Variants in GRIA1 observed in about 807,000 individuals in gnomAD.
GRIA1 encodes the protein glutamate ionotropic receptor AMPA type subunit 1, also known as glutamate receptor 1.
Under a neutral mutation model 99.2 loss-of-function variants are expected in GRIA1, and 31 were observed. The observed-to-expected ratio is 0.31, with a 90% CI of 0.23 to 0.42. The LOEUF (loss-of-function observed/expected upper bound fraction) is 0.42. Ranked by LOEUF, GRIA1 falls within the 10% of genes least tolerant of loss-of-function variation. The probability of loss-of-function intolerance (pLI) is 1.00; values close to 1 mark genes in which losing one functional copy is unlikely to be tolerated. For missense variants in GRIA1, 782 were observed against 1,157.5 expected, an observed-to-expected ratio of 0.68 and a Z score of 4.71; for synonymous variants, 438 against 432.4, an observed-to-expected ratio of 1.01 and a Z score of -0.16.
chr5:153,667,769 G>A (rs1278533159), intron 5 of GRIA1, among the ~76,000 whole-genome samples: 1 of 152,176 alleles, frequency 6.6e-6, no homozygotes, highest in African/African-American at 2.4e-5. Context: ...TGATGGCCCA[G>A]AGCCTCTTCA....
chr5:153,543,548 T>G (rs1393893879), intron 2 of GRIA1, among the ~76,000 whole-genome samples: 1 of 152,138 alleles, frequency 6.6e-6, no homozygotes, highest in African/African-American at 2.4e-5. Context: ...CATATATATG[T>G]AAAGTGCTCA....
At chr5:153,733,344 T>G (rs1761170032) in intron 11 of GRIA1, among the ~76,000 whole-genome samples, 1 of 152,066 alleles carries the variant, frequency 6.6e-6, no homozygotes, top group African/African-American at 2.4e-5. Flanking sequence ...TTACGTAAGA[T>G]GTTTTATGTA....
At chr5:153,642,265 G>C (rs1753824388) in intron 2 of GRIA1, among the ~76,000 whole-genome samples, 1 of 152,160 alleles carries the variant, frequency 6.6e-6, no homozygotes, top group East Asian at 1.9e-4. Flanking sequence ...TCTGTCGTCA[G>C]ACTGGTAGAG....
At chr5:153,746,967 C>T (rs1189230615) in intron 11 of GRIA1, among the ~76,000 whole-genome samples, 3 of 152,148 alleles carry the variant, frequency 2.0e-5, no homozygotes, top group Non-Finnish European at 4.4e-5. Flanking sequence ...TCAGATGGAT[C>T]TGGGCTCACA....
At chr5:153,626,965 T>G (rs1767690333) in intron 2 of GRIA1, among the ~76,000 whole-genome samples, 1 of 152,180 alleles carries the variant, frequency 6.6e-6, no homozygotes, top group Non-Finnish European at 1.5e-5. Flanking sequence ...AAAGATGCTC[T>G]CTAAAGCACC....
At chr5:153,685,397 T>C (rs1447014147) in intron 7 of GRIA1, among the ~76,000 whole-genome samples, 1 of 152,216 alleles carries the variant, frequency 6.6e-6, no homozygotes, top group Non-Finnish European at 1.5e-5. Context: ...TAGAAGGCCA[T>C]GAAAGTTTGA....
In GRIA1 at chr5:153,751,485, A is replaced by C. The variant is rs539098640; in HGVS notation, c.1824-12949A>C. Among the ~76,000 whole-genome samples, 6 of 152,374 alleles carry C rather than the reference A, an allele frequency of 3.9e-5. No individual in the cohort carries two copies. In the South Asian group the frequency reaches 8.3e-4, roughly 21 times the overall value. On this transcript the variant is annotated intron_variant, in intron 11 of 15. Coordinates refer to ENST00000285900, the MANE Select transcript of GRIA1 (RefSeq NM_000827.4). Reference sequence around the variant, plus strand: ...CCGCCTGTTTTGGCATTCAAGTGTTACTGGAACACAGCCATGCACTTGCGC... The same window carrying C: ...CCGCCTGTTTTGGCATTCAAGTGTTCCTGGAACACAGCCATGCACTTGCGC...
At chr5:153,493,366 A>C (rs1372890658) in intron 1 of GRIA1, among the ~76,000 whole-genome samples, 4 of 152,206 alleles carry the variant, frequency 2.6e-5, no homozygotes, top group African/African-American at 4.8e-5. Flanking sequence ...GGGGCAATAG[A>C]ATAGTTAAAT....
intron 2 of GRIA1, among the ~76,000 whole-genome samples, chr5:153,583,720 G>A (rs1259603405): frequency 6.6e-6 from 1 of 152,068 alleles, no homozygotes; most frequent in Non-Finnish European, 1.5e-5. Flanking sequence ...ACATGACATG[G>A]GGTATGGGAA....
At chr5:153,656,475 A>G (rs1365819439) in intron 5 of GRIA1, among the ~76,000 whole-genome samples, 1 of 148,206 alleles carries the variant, frequency 6.7e-6, no homozygotes, top group African/African-American at 2.5e-5. Flanking sequence ...TTACAAAGAA[A>G]ACAACTCATC....
chr5:153,670,432 A>C (rs546437933), intron 5 of GRIA1, among the ~76,000 whole-genome samples: 1 of 133,452 alleles, frequency 7.5e-6, no homozygotes, highest in Admixed American at 7.4e-5. Context: ...AGTACTCTGT[A>C]GATTAATTTC....
rs114358464 is a variant in GRIA1, at chr5:153,739,565, G to A, written c.1824-24869G>A. ...TTTTAGGTTATAGACAGGATTCAGA[G>A]CTGTGAGATATAAAATAATACAGGC... On this transcript the variant is annotated intron_variant, in intron 11 of 15. Coordinates refer to ENST00000285900, the MANE Select transcript of GRIA1 (RefSeq NM_000827.4). Among the ~76,000 whole-genome samples the A allele has an allele frequency of 3.8e-3, 580 of 152,342 alleles. 5 individuals are homozygous for A. Among genetic ancestry groups the A allele is most frequent in the African/African-American group, 0.013 (558 of 41,582 alleles).
chr5:153,793,059 T>TAAA (rs1765402391), intron 13 of GRIA1, among the ~76,000 whole-genome samples: 1 of 152,144 alleles, frequency 6.6e-6, no homozygotes, highest in Admixed American at 6.5e-5. Context: ...AAGGTAACGG[T>TAAA]TATAGTAATC....
At chr5:153,683,156 C>G (rs185982339) in intron 7 of GRIA1, among the ~76,000 whole-genome samples, 1 of 152,164 alleles carries the variant, frequency 6.6e-6, no homozygotes, top group South Asian at 2.1e-4. Context: ...TGGATGGGGA[C>G]AGTGGTTTCA....
At chr5:153,735,390 C>T (rs1761313841) in intron 11 of GRIA1, among the ~76,000 whole-genome samples, 1 of 152,180 alleles carries the variant, frequency 6.6e-6, no homozygotes. Flanking sequence ...TCATGATCAA[C>T]TGAGCAAGCA....
intron 11 of GRIA1, among the ~76,000 whole-genome samples, chr5:153,736,159 G>GAGC (rs1196263248): frequency 6.6e-6 from 1 of 152,160 alleles, no homozygotes; most frequent in Non-Finnish European, 1.5e-5. Context: ...GACTGAGAAG[G>GAGC]AGCAGCCAGT....
intron 2 of GRIA1, among the ~76,000 whole-genome samples, chr5:153,528,216 C>T (rs1212822264): frequency 3.3e-5 from 5 of 151,968 alleles, no homozygotes; most frequent in Non-Finnish European, 7.4e-5. Flanking sequence ...AGAAACATTG[C>T]CCTTTTAAAA....
intron 2 of GRIA1, among the ~76,000 whole-genome samples, chr5:153,497,782 A>G (rs1165797034): frequency 6.6e-6 from 1 of 152,200 alleles, no homozygotes; most frequent in African/African-American, 2.4e-5. Context: ...GGCATGACAT[A>G]AAGTGCTACA....
intron 14 of GRIA1, among the ~76,000 whole-genome samples, chr5:153,797,837 G>A (rs542893725): frequency 7.9e-5 from 12 of 152,246 alleles, no homozygotes; most frequent in South Asian, 4.2e-4. Context: ...ATCCCATGTC[G>A]CTCTTGGGGA....
Sources: gnomAD v4.1 joint callset for allele counts (sites outside exome capture counted in the v4.1 genomes callset) on GRCh38, gnomAD v4.1.1 for gene constraint, MANE v1.5 for transcripts, NCBI Gene and HGNC (gene_info 2026-07-23, HGNC 2026-07-21) for gene names.